Variants in ADAM12 observed in about 807,000 individuals in gnomAD.
ADAM12 encodes the protein ADAM metallopeptidase domain 12.
A neutral mutation model predicts 106.4 loss-of-function variants in ADAM12; 70 were observed. The observed-to-expected ratio is 0.66, with a 90% CI of 0.54 to 0.80. ADAM12 has a LOEUF of 0.80. Ranked by LOEUF, ADAM12 falls within the 30% of genes least tolerant of loss-of-function variation. ADAM12 has a pLI of 0.00. For missense variants in ADAM12, 1,010 were observed against 1,171.9 expected (o/e 0.86, Z 2.02); for synonymous variants, 420 against 433.5 (o/e 0.97, Z 0.39).
chr10:126,062,018 A>C (rs1954766682), intron 14 of ADAM12, among the ~76,000 whole-genome samples: 3 of 152,158 alleles, frequency 2.0e-5, no homozygotes, highest in African/African-American at 4.8e-5. Flanking sequence ...GCTCCCTGGC[A>C]TCAAGGGCCA....
chr10:126,184,795 C>A (rs571684411), intron 3 of ADAM12, among the ~76,000 whole-genome samples: 1 of 152,154 alleles, frequency 6.6e-6, no homozygotes, highest in Non-Finnish European at 1.5e-5. Flanking sequence ...CCTGAGAGGA[C>A]CAGAGTTCAA....
At chr10:126,175,227 G>A (rs1262067513) in intron 3 of ADAM12, among the ~76,000 whole-genome samples, 8 of 152,134 alleles carry the variant, frequency 5.3e-5, no homozygotes, top group Non-Finnish European at 1.0e-4. Flanking sequence ...AGCGAAGAAC[G>A]CTGCCGAGAG....
intron 6 of ADAM12, among the ~76,000 whole-genome samples, chr10:126,112,268 G>A (rs1955883456): frequency 6.6e-6 from 1 of 151,894 alleles, no homozygotes. Flanking sequence ...GGGTCAGTAG[G>A]TGCAGCAAAC....
At chr10:126,137,571 C>G (rs982150706) in intron 4 of ADAM12, among the ~76,000 whole-genome samples, 21 of 152,198 alleles carry the variant, frequency 1.4e-4, no homozygotes, top group African/African-American at 3.9e-4. Context: ...CTCTGGCAAC[C>G]ATTAACCTGC....
At chr10:126,046,987 T>C (rs1338660653) in intron 16 of ADAM12, among the ~76,000 whole-genome samples, 1 of 151,916 alleles carries the variant, frequency 6.6e-6, no homozygotes, top group Non-Finnish European at 1.5e-5. Flanking sequence ...ATCAATGACA[T>C]AAACCATCAG....
At chr10:126,375,692 A>G (rs1199280364) in intron 1 of ADAM12, among the ~76,000 whole-genome samples, 2 of 103,398 alleles carry the variant, frequency 1.9e-5, no homozygotes, top group African/African-American at 7.9e-5. Context: ...TATTTTCATT[A>G]AAGTTAAAAA....
At chr10:126,071,767 G>A (rs962103013) in intron 11 of ADAM12, 113 bp from the exon 12 acceptor site, 8 of 1,174,822 alleles carry the variant, frequency 6.8e-6, no homozygotes, top group East Asian at 2.4e-5. Context: ...GTGTTCACTG[G>A]TGGTCTCAAT....
intron 8 of ADAM12, among the ~76,000 whole-genome samples, chr10:126,105,522 C>T (rs1590416037): frequency 6.6e-6 from 1 of 152,330 alleles, no homozygotes; most frequent in Middle Eastern, 3.4e-3. Context: ...CCCTCTAGGC[C>T]AGTGCGTCTC....
intron 5 of ADAM12, among the ~76,000 whole-genome samples, chr10:126,133,677 G>A (rs1956350095): frequency 6.6e-6 from 1 of 152,148 alleles, no homozygotes; most frequent in Non-Finnish European, 1.5e-5. Context: ...AAGGACATCT[G>A]ATCACCTTCG....
At chr10:126,351,706 C>T (rs1855366319) in intron 1 of ADAM12, among the ~76,000 whole-genome samples, 1 of 152,154 alleles carries the variant, frequency 6.6e-6, no homozygotes, top group South Asian at 2.1e-4. Flanking sequence ...GGGTTTGGAT[C>T]CAGGATCCAG....
At chr10:126,105,104 C>T (rs1481905118) in intron 8 of ADAM12, among the ~76,000 whole-genome samples, 1 of 152,244 alleles carries the variant, frequency 6.6e-6, no homozygotes, top group East Asian at 1.9e-4. Flanking sequence ...CAAATCGGCT[C>T]TCTCCCTGCC....
At chr10:126,121,214 A>ACAC in intron 5 of ADAM12, among the ~76,000 whole-genome samples, 1 of 105,810 alleles carries the variant, frequency 9.5e-6, no homozygotes, top group East Asian at 2.5e-4. Flanking sequence ...TATACTATAT[A>ACAC]TATTATATAC....
intron 2 of ADAM12, among the ~76,000 whole-genome samples, chr10:126,299,847 T>A (rs957359963): frequency 3.3e-5 from 5 of 152,136 alleles, no homozygotes; most frequent in Non-Finnish European, 7.4e-5. Flanking sequence ...TTTCGCCATG[T>A]TGGCCAGGCT....
chr10:126,279,023 G>C, intron 2 of ADAM12, 35 bp from the exon 3 acceptor site: 1 of 1,544,160 alleles, frequency 6.5e-7, no homozygotes, highest in African/African-American at 1.4e-5. Flanking sequence ...GTTGAAAAAC[G>C]CTTGGCTTTG....
intron 11 of ADAM12, among the ~76,000 whole-genome samples, chr10:126,085,057 T>G (rs947087134): frequency 6.6e-6 from 1 of 152,218 alleles, no homozygotes; most frequent in Non-Finnish European, 1.5e-5. Flanking sequence ...ATTTTTGATC[T>G]CTCTCTTCCC....
chr10:126,178,560 CTCTT>C (rs1244936404), intron 3 of ADAM12, among the ~76,000 whole-genome samples: 1 of 151,896 alleles, frequency 6.6e-6, no homozygotes, highest in Non-Finnish European at 1.5e-5. Flanking sequence ...TTATTTCTTA[CTCTT>C]TCTTTAATGA....
intron 3 of ADAM12, among the ~76,000 whole-genome samples, chr10:126,233,100 T>A (rs147769135): frequency 1.3e-5 from 2 of 152,032 alleles, no homozygotes; most frequent in Non-Finnish European, 2.9e-5. Context: ...CAGATGTATG[T>A]GGGAGATGTA....
At chr10:126,373,149 C>CTCCA (rs370717180) in intron 1 of ADAM12, among the ~76,000 whole-genome samples, 1 of 152,336 alleles carries the variant, frequency 6.6e-6, no homozygotes, top group African/African-American at 2.4e-5. Context: ...TGTTGGCTTA[C>CTCCA]TCCATTGTAC....
At chr10:126,359,552 A>C (rs1243740679) in intron 1 of ADAM12, among the ~76,000 whole-genome samples, 3 of 152,164 alleles carry the variant, frequency 2.0e-5, no homozygotes, top group Admixed American at 2.0e-4. Flanking sequence ...TCAAATCTTA[A>C]AGCTCCAAAA....
Sources: allele counts gnomAD v4.1 joint callset (sites outside exome capture counted in the v4.1 genomes callset), GRCh38; gene constraint gnomAD v4.1.1; transcripts MANE v1.5; gene names NCBI Gene and HGNC (gene_info 2026-07-23, HGNC 2026-07-21).